Variants in PFKFB2 observed in about 807,000 individuals in gnomAD.
The protein encoded by PFKFB2 is 6-phosphofructo-2-kinase/fructose-2,6-bisphosphatase 2.
In PFKFB2, 53 loss-of-function variants were observed where a neutral mutation model predicts 68.0. That is an observed-to-expected ratio of 0.78 (90% CI 0.63 to 0.98). PFKFB2 has a LOEUF of 0.98. Ranked by LOEUF, PFKFB2 falls within the 50% of genes least tolerant of loss-of-function variation. The pLI, the probability that PFKFB2 is intolerant of heterozygous loss-of-function variation, is 0.00. For synonymous variants in PFKFB2, 222 were observed against 227.6 expected, an observed-to-expected ratio of 0.98 and a Z score of 0.22; for missense variants, 451 against 642.0, an observed-to-expected ratio of 0.70 and a Z score of 3.22.
rs1194263590 is a variant in PFKFB2, at chr1:207,076,286, A to G, written c.*3915A>G. 5.1e-6 allele frequency: 5 copies of G among 975,994 alleles called. No homozygotes were observed. The Admixed American group carries it at 3.2e-4, about 62-fold the overall frequency. 60.5% of individuals were successfully genotyped at this position (975,994 alleles called of 1,614,324 possible). On this transcript the variant is annotated 3_prime_UTR_variant, in exon 15 of 15. Coordinates refer to ENST00000367080, the MANE Select transcript of PFKFB2 (RefSeq NM_006212.2). ...TTTTTTTTATGAGCAGGAGATCTTAATTGACAGAAACTCATTGGTGGTTGG... is the reference window on the plus strand; with the variant it reads ...TTTTTTTTATGAGCAGGAGATCTTAGTTGACAGAAACTCATTGGTGGTTGG...
chr1:207,045,787 T>G (rs562994275), intron 2 of PFKFB2: 3 of 151,976 alleles, frequency 2.0e-5, no homozygotes, highest in Non-Finnish European at 4.4e-5. Context: ...ACAAATTAGA[T>G]AGATAACATA....
upstream of PFKFB2, chr1:207,049,551 T>G: frequency 6.2e-7 from 1 of 1,614,172 alleles, no homozygotes; most frequent in Non-Finnish European, 8.5e-7. Flanking sequence ...GATTCAAGAC[T>G]CCTCCTTCGA....
In PFKFB2 at chr1:207,072,370, A is replaced by C. The variant is rs377350701; in HGVS notation, c.1517A>C (p.Ter506SerextTer11). 5 of 1,612,620 alleles carry C rather than the reference A, an allele frequency of 3.1e-6. No homozygotes were observed. The African/African-American group carries it at 5.3e-5, about 17-fold the overall frequency. The change falls in exon 15 of 15, where the codon TAG becomes TCG. Residue 506 changes from the stop codon to serine (S), a stop_lost. Coordinates refer to ENST00000367080, the MANE Select transcript of PFKFB2 (RefSeq NM_006212.2). ...CAGGACATGCAAGAAGGGGCCGACT[A>C]GCCGAAGACCCAAGTCAGCATTCCG... Reference protein sequence around the residue: ...RAQDMQEGAD* With the variant: ...RAQDMQEGADS
In PFKFB2 at chr1:207,077,517, G is replaced by C; in HGVS notation, c.*5146G>C. On this transcript the variant is annotated 3_prime_UTR_variant, in exon 15 of 15. Transcript: ENST00000367080. ...TGGTTTTGCTATGGCAAAATCAAAG[G>C]GCTGATCATACATGGTGCCCTTTGG... 1 of 985,668 alleles carries C rather than the reference G, an allele frequency of 1.0e-6. No homozygotes were observed. 61.1% of individuals were successfully genotyped at this position (985,668 alleles called of 1,614,324 possible).
chr1:207,047,674 T>G (rs1188059022), intron 2 of PFKFB2: 1 of 152,614 alleles, frequency 6.6e-6, no homozygotes, highest in Non-Finnish European at 1.5e-5. Flanking sequence ...TGAAGCTAAG[T>G]TTTAGAGGGT....
intron 2 of PFKFB2, among the ~76,000 whole-genome samples, chr1:207,056,655 G>C (rs555977064): frequency 6.6e-6 from 1 of 151,714 alleles, no homozygotes; most frequent in Admixed American, 6.6e-5. Context: ...CCTGCTCTGG[G>C]CTCTAATCTC....
At chr1:207,067,769 C>A in intron 9 of PFKFB2, 63 bp downstream of exon 9, 1 of 1,323,148 alleles carries the variant, frequency 7.6e-7, no homozygotes, top group South Asian at 1.2e-5. Context: ...TGACTGAGGT[C>A]ATATATTTTA....
intron 10 of PFKFB2, 36 bp downstream of exon 10, chr1:207,068,345 C>G: frequency 1.3e-6 from 2 of 1,510,012 alleles, no homozygotes; most frequent in Non-Finnish European, 1.8e-6. Context: ...GAAAAGCCAA[C>G]AAGAGTTCAG....
At chr1:207,041,160 C>A (rs1212069522) in intron 1 of PFKFB2, among the ~76,000 whole-genome samples, 4 of 151,778 alleles carry the variant, frequency 2.6e-5, no homozygotes, top group Non-Finnish European at 5.9e-5. Flanking sequence ...ATCTCCTGAC[C>A]TCGTGATCTG....
At chr1:207,041,198 G>A (rs575921351) in intron 1 of PFKFB2, among the ~76,000 whole-genome samples, 5 of 151,470 alleles carry the variant, frequency 3.3e-5, no homozygotes, top group African/African-American at 1.2e-4. Context: ...AAAAAGCTGG[G>A]ATTACAGGCA....
chr1:207,071,342 C>A, intron 13 of PFKFB2, 92 bp downstream of exon 13: 1 of 1,202,230 alleles, frequency 8.3e-7, no homozygotes, highest in Non-Finnish European at 1.2e-6. Context: ...TTCATTATCC[C>A]TATATACCAG....
chr1:207,044,895 C>A (rs1305607980), intron 2 of PFKFB2: 1 of 152,484 alleles, frequency 6.6e-6, no homozygotes, highest in Non-Finnish European at 1.5e-5. Context: ...CAGCACCCTA[C>A]AATTCAACAT....
At chr1:207,036,320 T>A (rs1345005384) in intron 1 of PFKFB2, among the ~76,000 whole-genome samples, 1 of 152,228 alleles carries the variant, frequency 6.6e-6, no homozygotes, top group Non-Finnish European at 1.5e-5. Context: ...ACTCCACATG[T>A]CAGCATTTCC....
intron 1 of PFKFB2, chr1:207,042,050 T>C (rs925046050): frequency 6.6e-6 from 1 of 152,248 alleles, no homozygotes; most frequent in Non-Finnish European, 1.5e-5. Flanking sequence ...TATCCTTTTT[T>C]AGTCTGAGTT....
rs991172021 is a variant in PFKFB2 at position 207,070,591 on chromosome 1, C to T, written c.1222+182C>T. On this transcript the variant is annotated intron_variant, in intron 12 of 14. Transcript: ENST00000367080. The surrounding 1 kb of genome is among the most constrained non-coding windows in gnomAD (Gnocchi z 4.2). ...ATGACTTGCTGAGTTCACTCTGCTG[C>T]TACGAAAGCTTCCAATGGAGAGTGG... 1 of 601,206 alleles carries T rather than the reference C, an allele frequency of 1.7e-6. No homozygotes were observed. Among genetic ancestry groups the T allele is most frequent in the Non-Finnish European group, 2.8e-6 (1 of 354,418 alleles). The allele number at this position is 601,206 out of a possible 1,614,324, so 37.2% of individuals were successfully genotyped here. A position where few individuals can be genotyped will look rare whatever the true frequency, so the allele number is the denominator to read the frequency against.
At chr1:207,067,469 G>C in intron 8 of PFKFB2, 30 bp from the exon 9 acceptor site, 1 of 1,515,108 alleles carries the variant, frequency 6.6e-7, no homozygotes, top group Non-Finnish European at 9.1e-7. Context: ...TTCTTACCTA[G>C]GGAATTTTTT....
At position 207,067,519 on chromosome 1, in the gene PFKFB2, T is replaced by C; in HGVS notation, c.653T>C (p.Val218Ala). 1 of 1,613,716 alleles carries C rather than the reference T, an allele frequency of 6.2e-7. No individual in the cohort carries two copies. Among genetic ancestry groups the C allele is most frequent in the Non-Finnish European group, 8.5e-7 (1 of 1,179,698 alleles). The change falls in exon 9 of 15, where the codon GTG becomes GCG. Residue 218 changes from valine (V) to alanine (A), a missense_variant. Physicochemically the swap from Val to Ala is moderately conservative, Grantham distance 64. Coordinates refer to ENST00000367080, the MANE Select transcript of PFKFB2 (RefSeq NM_006212.2). ...NYDKDLSFIK[V>A]INVGQRFLVN... The stretch of plus-strand genomic sequence containing the variant: ...CCCAGGGATCTTTCTTTCATCAAGG[T>C]GATAAACGTGGGCCAGCGATTTTTA...
At position 207,074,889 on chromosome 1, in the gene PFKFB2, G is replaced by A. The variant is rs1017634195; in HGVS notation, c.*2518G>A. On this transcript the variant is annotated 3_prime_UTR_variant, in exon 15 of 15. Coordinates refer to ENST00000367080, the MANE Select transcript of PFKFB2 (RefSeq NM_006212.2). ...TTGTCCTATGGCTATGAGACTACAG[G>A]GGTTGGGGGATGGGGATGCCCCCAC... 1 of 985,474 alleles carries A rather than the reference G, an allele frequency of 1.0e-6. No individual in the cohort carries two copies. The allele number at this position is 985,474 out of a possible 1,614,324, so 61.0% of individuals were successfully genotyped here. A position where few individuals can be genotyped will look rare whatever the true frequency, so the allele number is the denominator to read the frequency against.
chr1:207,035,248 C>T (rs1344883499), intron 1 of PFKFB2: 12 of 976,152 alleles, frequency 1.2e-5, no homozygotes, highest in Non-Finnish European at 1.5e-5. Flanking sequence ...GATTTCCTTT[C>T]TCAGTACAAC....
Sources: gnomAD v4.1 joint callset for allele counts (sites outside exome capture counted in the v4.1 genomes callset) on GRCh38, gnomAD v4.1.1 for gene constraint, Gnocchi (gnomAD v3.1) non-coding constraint, MANE v1.5 for transcripts, NCBI Gene and HGNC (gene_info 2026-07-23, HGNC 2026-07-21) for gene names.